The following NIPBL variants were observed in gnomAD, a reference collection of about 807,000 sequenced individuals.
NIPBL encodes nipped-B-like protein.
A neutral mutation model predicts 321.8 loss-of-function variants in NIPBL; 19 were observed. The observed-to-expected ratio is 0.06, with a 90% confidence interval of 0.04 to 0.09. NIPBL has a LOEUF of 0.09. NIPBL is among the 10% of genes least tolerant of loss of function. The pLI is 1.00. For missense variants in NIPBL, 2,210 were observed against 3,327.0 expected (o/e 0.66, Z 8.26); for synonymous variants, 1,106 against 1,114.1 (o/e 0.99, Z 0.14).
At chr5:36,989,946 G>GT (rs535095983) in intron 10 of NIPBL, among the ~76,000 whole-genome samples, 233 of 140,900 alleles carry the variant, frequency 1.7e-3, no homozygotes, top group South Asian at 2.9e-3. Flanking sequence ...TGATTTTGTT[G>GT]TTTTTTTTTT....
At chr5:36,923,111 T>TTTTGTAATTTAG (rs1749077532) in intron 1 of NIPBL, among the ~76,000 whole-genome samples, 5 of 151,900 alleles carry the variant, frequency 3.3e-5, no homozygotes, top group Non-Finnish European at 7.4e-5. Flanking sequence ...ACATACAAAA[T>TTTTGTAATTTAG]TACAAAATTT....
At chr5:36,999,485 C>T (rs1191711091) in intron 11 of NIPBL, among the ~76,000 whole-genome samples, 1 of 152,182 alleles carries the variant, frequency 6.6e-6, no homozygotes, top group Non-Finnish European at 1.5e-5. Context: ...TTACTGCAGA[C>T]ATTTCTAATC....
At chr5:36,916,903 T>A (rs1208914748) in intron 1 of NIPBL, among the ~76,000 whole-genome samples, 1 of 152,198 alleles carries the variant, frequency 6.6e-6, no homozygotes, top group Admixed American at 6.5e-5. Context: ...TCTATCATTG[T>A]TGGACACTTG....
At chr5:37,005,232 G>A (rs1000120365) in intron 16 of NIPBL, among the ~76,000 whole-genome samples, 4 of 152,098 alleles carry the variant, frequency 2.6e-5, no homozygotes, top group Non-Finnish European at 5.9e-5. Flanking sequence ...TTGTTTTCTG[G>A]ATTATTAAAT....
intron 6 of NIPBL, among the ~76,000 whole-genome samples, chr5:36,966,635 A>G (rs1742239752): frequency 6.6e-6 from 1 of 152,088 alleles, no homozygotes; most frequent in Non-Finnish European, 1.5e-5. Context: ...AGGGGGTAGC[A>G]TTCAGTGAAT....
At chr5:36,905,422 C>T (rs1240418459) in intron 1 of NIPBL, among the ~76,000 whole-genome samples, 1 of 152,128 alleles carries the variant, frequency 6.6e-6, no homozygotes, top group Non-Finnish European at 1.5e-5. Context: ...CTTGTAAGAT[C>T]ATAATCGGTG....
chr5:36,914,450 G>A (rs536752924), intron 1 of NIPBL, among the ~76,000 whole-genome samples: 66 of 149,890 alleles, frequency 4.4e-4, no homozygotes, highest in African/African-American at 1.5e-3. Flanking sequence ...GAGTGCCTAC[G>A]TGGTGCCACA....
chr5:36,970,880 G>A lies in NIPBL; in HGVS notation c.615G>A (p.Ser205=), dbSNP rs150678035. The part of the protein sequence containing the change: ...YTTHPQMQQA[S]VSSPIVAGGL... ...TTTTATTCTTATTAATTTCAGCATC[G>A]GTATCAAGTCCCATTGTTGCAGGTG... Residue 205 remains serine, a synonymous_variant, in exon 7 of 47, where the codon TCG becomes TCA. Coordinates refer to ENST00000282516, the MANE Select transcript of NIPBL (RefSeq NM_133433.4). 1,333 of 1,612,258 alleles carry A rather than the reference G, an allele frequency of 8.3e-4. 1 individual carries two copies. Among genetic ancestry groups the A allele is most frequent in the Non-Finnish European group, 1.1e-3 (1,253 of 1,178,874 alleles).
intron 43 of NIPBL, among the ~76,000 whole-genome samples, chr5:37,057,548 G>A (rs751336577): frequency 6.6e-6 from 1 of 152,176 alleles, no homozygotes; most frequent in Non-Finnish European, 1.5e-5. Flanking sequence ...TATATGGATT[G>A]TTCTGTTGAT....
intron 30 of NIPBL, among the ~76,000 whole-genome samples, chr5:37,025,492 A>C (rs541760807): frequency 1.3e-5 from 2 of 152,198 alleles, no homozygotes; most frequent in African/African-American, 2.4e-5. Flanking sequence ...GAGAATAGAA[A>C]GATGGTTAGC....
chr5:37,012,843 A>T (rs299397), intron 21 of NIPBL, among the ~76,000 whole-genome samples: 1 of 149,766 alleles, frequency 6.7e-6, no homozygotes, highest in Admixed American at 6.7e-5. Context: ...AGAACAAAAT[A>T]AAAAGTCTCC....
rs1371383881 is a variant in NIPBL at position 36,996,060 on chromosome 5, A to G, written c.3304+256A>G. 6.6e-6 allele frequency among the ~76,000 whole-genome samples: 1 copy of G among 152,246 alleles called. No homozygotes were observed. The highest frequency in any genetic ancestry group is 2.4e-5 in the African/African-American group (1 of 41,468). ...ATGTGTCTGTATGCATTCAGCAAAC[A>G]TTTATTGAGCTCCTATTATATGCTA... is the stretch of plus-strand genomic sequence containing the variant. On this transcript the variant is annotated intron_variant, in intron 11 of 46. Transcript: ENST00000282516. This position sits in a 1 kb window ranked among gnomAD's most constrained non-coding sequence, Gnocchi z 5.0.
Position 37,064,506 on chromosome 5 carries a change from TC to T in NIPBL, c.8050-15del, listed in dbSNP as rs747291753. ...CTTTTGTGTAACACTTGGTCTTTTT[TC>T]CCCCCTCCCAATGTTTTAGTCATTG... On this transcript the variant is annotated intron_variant, in intron 46 of 46. Coordinates refer to ENST00000282516, the MANE Select transcript of NIPBL (RefSeq NM_133433.4). 76 of 1,609,450 alleles carry T rather than the reference TC, an allele frequency of 4.7e-5. No homozygotes were observed. The highest frequency in any genetic ancestry group is 3.6e-5 in the Non-Finnish European group (42 of 1,179,970).
intron 41 of NIPBL, 78 bp downstream of exon 41, chr5:37,051,964 C>G: frequency 1.0e-6 from 1 of 999,254 alleles, no homozygotes; most frequent in Non-Finnish European, 1.6e-6. Flanking sequence ...ATGCTCTGCC[C>G]ACATTCATAA....
At chr5:37,046,056 A>C (rs918062324) in intron 37 of NIPBL, 53 bp from the exon 38 acceptor site, 103 of 922,866 alleles carry the variant, frequency 1.1e-4, no homozygotes, top group Non-Finnish European at 1.6e-4. Context: ...TATAGTTGAA[A>C]ATTAATCTAA....
chr5:36,911,627 T>A (rs1748059480), intron 1 of NIPBL, among the ~76,000 whole-genome samples: 1 of 152,178 alleles, frequency 6.6e-6, no homozygotes, highest in South Asian at 2.1e-4. Flanking sequence ...GTCTAACGCC[T>A]CTTGTATTCT....
chr5:36,972,760 T>C (rs1255030370), intron 8 of NIPBL, among the ~76,000 whole-genome samples: 1 of 152,172 alleles, frequency 6.6e-6, no homozygotes, highest in East Asian at 1.9e-4. Context: ...AAATTTTAAG[T>C]TATCATAAAG....
intron 1 of NIPBL, among the ~76,000 whole-genome samples, chr5:36,878,303 G>C (rs1382956190): frequency 6.6e-6 from 1 of 152,154 alleles, no homozygotes; most frequent in Non-Finnish European, 1.5e-5. Context: ...ATTTTAATAG[G>C]TTAAATGTAT....
At chr5:36,906,191 C>T (rs1046272484) in intron 1 of NIPBL, among the ~76,000 whole-genome samples, 8 of 151,888 alleles carry the variant, frequency 5.3e-5, no homozygotes, top group South Asian at 2.1e-4. Flanking sequence ...ACCATTTCTG[C>T]GAATGAAGTA....
Sources: gnomAD v4.1 joint callset for allele counts (sites outside exome capture counted in the v4.1 genomes callset) on GRCh38, gnomAD v4.1.1 for gene constraint, Gnocchi (gnomAD v3.1) non-coding constraint, MANE v1.5 for transcripts, NCBI Gene and HGNC (gene_info 2026-07-23, HGNC 2026-07-21) for gene names.